Variants in ERBB4 observed in about 807,000 individuals in gnomAD.
The protein encoded by ERBB4 is erb-b2 receptor tyrosine kinase 4.
Under a neutral mutation model 158.0 loss-of-function variants are expected in ERBB4, and 42 were observed. The observed-to-expected ratio is 0.27, with a 90% CI of 0.21 to 0.34. ERBB4 has a LOEUF of 0.34. ERBB4 is among the 10% of genes least tolerant of loss of function. The pLI is 1.00. For missense variants in ERBB4, 1,333 were observed against 1,624.1 expected, an observed-to-expected ratio of 0.82 and a Z score of 3.08; for synonymous variants, 583 against 558.7, an observed-to-expected ratio of 1.04 and a Z score of -0.61.
intron 1 of ERBB4, among the ~76,000 whole-genome samples, chr2:212,191,983 TTATATGTTA>T (rs1223554242): frequency 5.2e-5 from 6 of 114,616 alleles, no homozygotes; most frequent in East Asian, 2.0e-4. Context: ...GTTATATATG[TTATATGTTA>T]TATATGTTAT....
chr2:212,094,857 A>G (rs894314537), intron 2 of ERBB4, among the ~76,000 whole-genome samples: 2 of 152,354 alleles, frequency 1.3e-5, no homozygotes, highest in East Asian at 1.9e-4. Flanking sequence ...GTGAAATTAT[A>G]GACATATATG....
At chr2:212,055,755 A>G (rs2077544016) in intron 2 of ERBB4, among the ~76,000 whole-genome samples, 1 of 152,382 alleles carries the variant, frequency 6.6e-6, no homozygotes, top group Middle Eastern at 3.4e-3. Flanking sequence ...CAAAAAGGAC[A>G]TCCACACCAA....
intron 2 of ERBB4, among the ~76,000 whole-genome samples, chr2:212,036,923 A>G: frequency 6.6e-6 from 1 of 152,200 alleles, no homozygotes; most frequent in Non-Finnish European, 1.5e-5. Context: ...CCGAATTGAA[A>G]AGCAAATCCT....
chr2:212,501,516 A>T (rs556545860), intron 1 of ERBB4, among the ~76,000 whole-genome samples: 44 of 152,092 alleles, frequency 2.9e-4, no homozygotes, highest in African/African-American at 1.1e-3. Flanking sequence ...AGTGAGGAAA[A>T]CTCCCAACCA....
At chr2:211,408,002 A>C (rs2063180269) in intron 25 of ERBB4, among the ~76,000 whole-genome samples, 1 of 152,104 alleles carries the variant, frequency 6.6e-6, no homozygotes, top group Non-Finnish European at 1.5e-5. Context: ...AAAATAGAGC[A>C]TCTCTCTCTC....
chr2:212,399,545 CATATATATATATAT>C (rs869111881), intron 1 of ERBB4, among the ~76,000 whole-genome samples: 26 of 38,100 alleles, frequency 6.8e-4, no homozygotes, highest in African/African-American at 1.8e-3. Context: ...TTTATATATA[CATATATATATATAT>C]ATATATATAT....
chr2:211,489,468 CTT>C (rs1460711004), intron 20 of ERBB4, among the ~76,000 whole-genome samples: 2 of 151,938 alleles, frequency 1.3e-5, no homozygotes, highest in Admixed American at 6.6e-5. Context: ...ACGTAAAAAA[CTT>C]TGAACAATAC....
chr2:212,234,317 CT>C (rs1389881585), intron 1 of ERBB4, among the ~76,000 whole-genome samples: 7 of 152,162 alleles, frequency 4.6e-5, no homozygotes, highest in African/African-American at 1.7e-4. Context: ...TGAACTCATC[CT>C]TTTTTATGGC....
rs369034615 is a variant in ERBB4, at chr2:211,934,519, T to C, written c.421+12911A>G. Among the ~76,000 whole-genome samples, 132 of 152,158 alleles carry C rather than the reference T, an allele frequency of 8.7e-4. 3 individuals are homozygous for C. In the South Asian group the frequency reaches 0.024, roughly 28 times the overall value. ...TTAGAGTCATCTCATAGACTTGAGA[T>C]CTTTTTCGAGCCTGCCATTTTTCTC... On this transcript the variant is annotated intron_variant, in intron 3 of 27. Coordinates refer to ENST00000342788, the MANE Select transcript of ERBB4 (RefSeq NM_005235.3).
At chr2:211,412,950 C>A (rs371839567) in intron 25 of ERBB4, among the ~76,000 whole-genome samples, 335 of 120,834 alleles carry the variant, frequency 2.8e-3, no homozygotes, top group Non-Finnish European at 3.0e-3. Flanking sequence ...GGGACTGTCT[C>A]AAAAAAAAAA....
At chr2:211,990,569 G>T (rs1031102734) in intron 2 of ERBB4, among the ~76,000 whole-genome samples, 4 of 150,964 alleles carry the variant, frequency 2.6e-5, no homozygotes, top group Non-Finnish European at 5.9e-5. Context: ...GACCATTCAG[G>T]CAGTTCCCAA....
At chr2:211,839,152 A>AAGGAGGAGGAGGAGGAGGAGG (rs71409858) in intron 3 of ERBB4, among the ~76,000 whole-genome samples, 2 of 110,906 alleles carry the variant, frequency 1.8e-5, no homozygotes, top group Middle Eastern at 4.4e-3. Flanking sequence ...GGAGAGAGAG[A>AAGGAGGAGGAGGAGGAGGAGG]AGGAGGAGGA....
At chr2:212,096,017 A>G (rs1328750640) in intron 2 of ERBB4, among the ~76,000 whole-genome samples, 1 of 151,950 alleles carries the variant, frequency 6.6e-6, no homozygotes, top group Non-Finnish European at 1.5e-5. Flanking sequence ...GAGAACCCAG[A>G]GCTATTTTCT....
At chr2:212,277,593 T>C (rs2085590556) in intron 1 of ERBB4, among the ~76,000 whole-genome samples, 1 of 151,748 alleles carries the variant, frequency 6.6e-6, no homozygotes, top group Admixed American at 6.6e-5. Flanking sequence ...CAGCTCATAC[T>C]ACAGAGAGTC....
chr2:211,463,919 CTG>C (rs2064603944), intron 20 of ERBB4, among the ~76,000 whole-genome samples: 1 of 152,188 alleles, frequency 6.6e-6, no homozygotes, highest in African/African-American at 2.4e-5. Context: ...GGCCTCCTTA[CTG>C]TGCCTCAAAC....
intron 19 of ERBB4, among the ~76,000 whole-genome samples, chr2:211,593,392 C>A (rs941957211): frequency 6.6e-6 from 1 of 152,068 alleles, no homozygotes; most frequent in African/African-American, 2.4e-5. Flanking sequence ...TTATGAAATG[C>A]AAGGCAAATC....
chr2:211,955,408 G>A (rs979400788), intron 2 of ERBB4, among the ~76,000 whole-genome samples: 1 of 151,958 alleles, frequency 6.6e-6, no homozygotes, highest in South Asian at 2.1e-4. Context: ...TGGCTGGAGG[G>A]TTAATAGTCC....
At chr2:211,740,727 C>A (rs1362511124) in intron 5 of ERBB4, among the ~76,000 whole-genome samples, 1 of 147,228 alleles carries the variant, frequency 6.8e-6, no homozygotes, top group African/African-American at 2.5e-5. Context: ...TCACGTGCCT[C>A]AGCTTCCCGA....
At chr2:212,190,503 C>T (rs887768426) in intron 1 of ERBB4, among the ~76,000 whole-genome samples, 3 of 149,094 alleles carry the variant, frequency 2.0e-5, no homozygotes, top group African/African-American at 7.4e-5. Flanking sequence ...TGCCATTGCA[C>T]TCCAGCCTGG....
Sources: allele counts gnomAD v4.1 joint callset (sites outside exome capture counted in the v4.1 genomes callset), GRCh38; gene constraint gnomAD v4.1.1; transcripts MANE v1.5; gene names NCBI Gene and HGNC (gene_info 2026-07-23, HGNC 2026-07-21).